SEMA6D: variants seen among roughly 807,000 people sequenced by gnomAD.
SEMA6D encodes the protein semaphorin-6D.
In SEMA6D, 35 loss-of-function variants were observed where a neutral mutation model predicts 106.6. That is an observed-to-expected ratio of 0.33 (90% CI 0.25 to 0.44). The LOEUF (loss-of-function observed/expected upper bound fraction) is 0.44, where lower values mean the gene tolerates loss of function less well. Among genes scored for constraint, SEMA6D ranks in the 20% least tolerant of loss-of-function variants. The pLI, the probability that SEMA6D is intolerant of heterozygous loss-of-function variation, is 1.00. For synonymous variants in SEMA6D, 499 were observed against 487.7 expected (o/e 1.02, Z -0.31); for missense variants, 1,185 against 1,345.9 (o/e 0.88, Z 1.87).
At chr15:47,560,619 GA>G (rs1216178792) in intron 3 of SEMA6D, among the ~76,000 whole-genome samples, 3 of 151,648 alleles carry the variant, frequency 2.0e-5, no homozygotes, top group Middle Eastern at 3.4e-3. Context: ...TTTTAGAGGG[GA>G]AAAAAAAGTA....
intron 1 of SEMA6D, among the ~76,000 whole-genome samples, chr15:47,408,599 C>T (rs1369919926): frequency 6.6e-6 from 1 of 151,992 alleles, no homozygotes; most frequent in East Asian, 1.9e-4. Context: ...TAAGGTATGT[C>T]GAGATAAAAT....
chr15:47,708,025 A>G (rs898954663), intron 4 of SEMA6D, among the ~76,000 whole-genome samples: 2 of 152,136 alleles, frequency 1.3e-5, no homozygotes, highest in Non-Finnish European at 2.9e-5. Flanking sequence ...ACTTTTCTAT[A>G]GATTCTACCT....
chr15:47,491,827 C>A (rs543763032), intron 3 of SEMA6D, among the ~76,000 whole-genome samples: 2 of 152,236 alleles, frequency 1.3e-5, no homozygotes, highest in East Asian at 3.9e-4. Flanking sequence ...TTGGTCAGTG[C>A]TCTAATTGTT....
chr15:47,530,804 C>T (rs935115174), intron 3 of SEMA6D, among the ~76,000 whole-genome samples: 2 of 152,134 alleles, frequency 1.3e-5, no homozygotes, highest in Non-Finnish European at 2.9e-5. Context: ...TGCTGCTACT[C>T]ATTAACTAGA....
chr15:47,594,274 A>C (rs1467735690), intron 3 of SEMA6D, among the ~76,000 whole-genome samples: 1 of 152,124 alleles, frequency 6.6e-6, no homozygotes, highest in Non-Finnish European at 1.5e-5. Flanking sequence ...CCCTGGTCCC[A>C]GGTTTGGTTG....
intron 2 of SEMA6D, among the ~76,000 whole-genome samples, chr15:47,431,684 C>G (rs1316337586): frequency 6.6e-6 from 1 of 152,034 alleles, no homozygotes; most frequent in Non-Finnish European, 1.5e-5. Flanking sequence ...AGGCTGGTCC[C>G]AATTCCAAGG....
chr15:47,360,583 G>A (rs778157497), intron 1 of SEMA6D, among the ~76,000 whole-genome samples: 20 of 152,214 alleles, frequency 1.3e-4, no homozygotes, highest in Admixed American at 2.6e-4. Context: ...CAGGCATAAG[G>A]TGAGAAAATT....
chr15:47,347,058 G>A (rs1165842146), intron 1 of SEMA6D, among the ~76,000 whole-genome samples: 2 of 151,938 alleles, frequency 1.3e-5, no homozygotes, highest in South Asian at 2.1e-4. Flanking sequence ...ACAGGCACCC[G>A]CCATCATGTC....
intron 4 of SEMA6D, among the ~76,000 whole-genome samples, chr15:47,665,674 G>C (rs1054754413): frequency 6.6e-6 from 1 of 152,176 alleles, no homozygotes; most frequent in African/African-American, 2.4e-5. Flanking sequence ...GCTGGGCATG[G>C]TGACATGTGC....
At chr15:47,202,154 A>T (rs1331277229) in intron 1 of SEMA6D, among the ~76,000 whole-genome samples, 1 of 152,038 alleles carries the variant, frequency 6.6e-6, no homozygotes, top group Non-Finnish European at 1.5e-5. Flanking sequence ...AGGAATGAGC[A>T]GGTCAGGAGA....
At chr15:47,505,411 T>G (rs1290800004) in intron 3 of SEMA6D, among the ~76,000 whole-genome samples, 1 of 152,174 alleles carries the variant, frequency 6.6e-6, no homozygotes, top group Non-Finnish European at 1.5e-5. Flanking sequence ...AATAGGCACA[T>G]TCTGCGAAAC....
At chr15:47,304,583 T>G (rs1336823461) in intron 1 of SEMA6D, among the ~76,000 whole-genome samples, 1 of 152,070 alleles carries the variant, frequency 6.6e-6, no homozygotes, top group Non-Finnish European at 1.5e-5. Flanking sequence ...CCAGGTCTTG[T>G]CCGTATTAGG....
At chr15:47,354,197 CTCTATA>C (rs1235790779) in intron 1 of SEMA6D, among the ~76,000 whole-genome samples, 464 of 36,722 alleles carry the variant, frequency 0.013, 1 homozygote, top group African/African-American at 0.038. Context: ...CTCTCTCTCT[CTCTATA>C]TATATATATA....
chr15:47,479,235 G>A (rs149892504), intron 3 of SEMA6D, among the ~76,000 whole-genome samples: 47 of 152,180 alleles, frequency 3.1e-4, no homozygotes, highest in African/African-American at 1.1e-3. Flanking sequence ...GGACAAAAAT[G>A]TCCATTTTTG....
intron 3 of SEMA6D, among the ~76,000 whole-genome samples, chr15:47,598,676 G>A (rs2076583678): frequency 6.6e-6 from 1 of 152,086 alleles, no homozygotes; most frequent in Non-Finnish European, 1.5e-5. Flanking sequence ...TAAGTGGTAA[G>A]GGTTCTGTTA....
chr15:47,503,525 T>C (rs1265915447), intron 3 of SEMA6D, among the ~76,000 whole-genome samples: 1 of 152,096 alleles, frequency 6.6e-6, no homozygotes, highest in Non-Finnish European at 1.5e-5. Flanking sequence ...TAATACAGAG[T>C]GTGAAGAAAT....
At chr15:47,726,806 C>A (rs555793066) in intron 1 of SEMA6D, among the ~76,000 whole-genome samples, 8 of 152,324 alleles carry the variant, frequency 5.3e-5, no homozygotes, top group African/African-American at 1.9e-4. Flanking sequence ...GGCTCCAGAG[C>A]CTATGCTTTT....
intron 3 of SEMA6D, among the ~76,000 whole-genome samples, chr15:47,483,574 C>A (rs2043214189): frequency 6.6e-6 from 1 of 152,122 alleles, no homozygotes; most frequent in Admixed American, 6.6e-5. Flanking sequence ...ATTCAAATTT[C>A]TATCAATTAC....
At chr15:47,336,508 A>G (rs2037562542) in intron 1 of SEMA6D, among the ~76,000 whole-genome samples, 1 of 152,200 alleles carries the variant, frequency 6.6e-6, no homozygotes, top group African/African-American at 2.4e-5. Flanking sequence ...AATTTTCACT[A>G]GAGGTGCATT....
Sources: allele counts gnomAD v4.1 joint callset (sites outside exome capture counted in the v4.1 genomes callset), GRCh38; gene constraint gnomAD v4.1.1; transcripts MANE v1.5; gene names NCBI Gene and HGNC (gene_info 2026-07-23, HGNC 2026-07-21).